Variants in WDR70 observed in about 807,000 individuals in gnomAD.
WDR70 encodes WD repeat-containing protein 70.
Under a neutral mutation model 88.6 loss-of-function variants are expected in WDR70, and 53 were observed. The observed-to-expected ratio is 0.60, with a 90% confidence interval of 0.48 to 0.75. The LOEUF (loss-of-function observed/expected upper bound fraction) is 0.75. WDR70 is among the 30% of genes least tolerant of loss of function. The pLI is 0.00. For missense variants in WDR70, 610 were observed against 823.2 expected (o/e 0.74, Z 3.17); for synonymous variants, 280 against 270.0 (o/e 1.04, Z -0.36).
chr5:37,513,612 C>G (rs1740789781), intron 8 of WDR70, among the ~76,000 whole-genome samples: 1 of 152,086 alleles, frequency 6.6e-6, no homozygotes, highest in Non-Finnish European at 1.5e-5. Flanking sequence ...TCACAAGGTC[C>G]CACAATAGGC....
intron 10 of WDR70, among the ~76,000 whole-genome samples, chr5:37,651,840 T>C (rs1246510268): frequency 2.6e-5 from 4 of 152,334 alleles, no homozygotes; most frequent in African/African-American, 9.6e-5. Context: ...TTAAGTTCCT[T>C]GTAGATTCTG....
At chr5:37,519,964 T>A (rs1201929972) in intron 9 of WDR70, among the ~76,000 whole-genome samples, 1 of 152,224 alleles carries the variant, frequency 6.6e-6, no homozygotes, top group East Asian at 1.9e-4. Context: ...TTTGCATTTG[T>A]ATCTGCTCAT....
chr5:37,628,947 T>TG (rs1744740616), intron 10 of WDR70, among the ~76,000 whole-genome samples: 2 of 152,218 alleles, frequency 1.3e-5, no homozygotes, highest in Non-Finnish European at 2.9e-5. Flanking sequence ...GCATGTCTTG[T>TG]AAGACTGTTC....
intron 10 of WDR70, among the ~76,000 whole-genome samples, chr5:37,653,415 C>T (rs373950038): frequency 6.6e-6 from 1 of 152,052 alleles, no homozygotes; most frequent in Non-Finnish European, 1.5e-5. Flanking sequence ...TTTGTTGTTT[C>T]TCTGCCAGGT....
intron 10 of WDR70, among the ~76,000 whole-genome samples, chr5:37,665,916 CACCCTCCCTTCCTT>C (rs1187938926): frequency 6.6e-6 from 1 of 152,232 alleles, no homozygotes; most frequent in African/African-American, 2.4e-5. Context: ...TCTGCTTCCT[CACCCTCCCTTCCTT>C]ACCACCTCTC....
chr5:37,437,971 G>A lies in WDR70; in HGVS notation c.542G>A (p.Gly181Asp). The change falls in exon 6 of 18, where the codon GGC becomes GAC. Residue 181 changes from glycine to aspartate, a missense_variant. Coordinates refer to ENST00000265107, the MANE Select transcript of WDR70 (RefSeq NM_018034.4). ...PDSHEITLKH[G>D]TKTVSALGLD... Reference sequence around the variant, plus strand: ...TCGCATGAGATAACGCTGAAGCATGGCACTAAAACAGTAAGTTTAAAAATC... The same window carrying A: ...TCGCATGAGATAACGCTGAAGCATGACACTAAAACAGTAAGTTTAAAAATC... 2 of 1,608,934 alleles carry A rather than the reference G, an allele frequency of 1.2e-6. No homozygotes were observed. Among genetic ancestry groups the A allele is most frequent in the Non-Finnish European group, 1.7e-6 (2 of 1,177,640 alleles).
chr5:37,390,958 C>T (rs1197795958), intron 3 of WDR70, among the ~76,000 whole-genome samples: 4 of 152,122 alleles, frequency 2.6e-5, no homozygotes, highest in East Asian at 1.9e-4. Context: ...TCCAGTGATC[C>T]GCCCACCTTG....
At chr5:37,690,977 C>A (rs1203086211) in intron 10 of WDR70, among the ~76,000 whole-genome samples, 2 of 152,032 alleles carry the variant, frequency 1.3e-5, no homozygotes, top group Non-Finnish European at 2.9e-5. Flanking sequence ...ATTCAGGAGA[C>A]CCATCTCACA....
chr5:37,606,961 CAGAGTCTT>C (rs1030087222), intron 10 of WDR70, among the ~76,000 whole-genome samples: 1 of 127,018 alleles, frequency 7.9e-6, no homozygotes, highest in Non-Finnish European at 1.6e-5. Context: ...TCTTTTTTGA[CAGAGTCTT>C]TCTCTGTCAC....
intron 10 of WDR70, among the ~76,000 whole-genome samples, chr5:37,635,036 T>C (rs1296062711): frequency 6.6e-6 from 1 of 152,210 alleles, no homozygotes; most frequent in Admixed American, 6.5e-5. Context: ...GCTGGATTTC[T>C]GTTTGCAGAA....
intron 9 of WDR70, among the ~76,000 whole-genome samples, chr5:37,522,400 G>A (rs530744991): frequency 1.5e-4 from 22 of 151,128 alleles, no homozygotes; most frequent in African/African-American, 4.4e-4. Context: ...GAACCCAGGA[G>A]GTGGAGGTTA....
rs148775163 is a variant in WDR70 at position 37,538,575 on chromosome 5, T to G, written c.917+21985T>G. On this transcript the variant is annotated intron_variant, in intron 9 of 17. Transcript: ENST00000265107. ...CTCATTGTTTTGTTCTGGCCTCATG[T>G]ATACTAAGTTAAATTGTGGACATCT... 3.3e-3 allele frequency among the ~76,000 whole-genome samples: 506 copies of G among 152,328 alleles called. 2 individuals carry two copies. The highest frequency in any genetic ancestry group is 0.012 in the African/African-American group (483 of 41,570).
At chr5:37,751,804 G>A (rs1748822158) in intron 17 of WDR70, among the ~76,000 whole-genome samples, 1 of 152,144 alleles carries the variant, frequency 6.6e-6, no homozygotes, top group Non-Finnish European at 1.5e-5. Context: ...TGTGAAAAGG[G>A]ATGTCATTGA....
chr5:37,552,709 C>G (rs144596906), intron 9 of WDR70, among the ~76,000 whole-genome samples: 1 of 152,274 alleles, frequency 6.6e-6, no homozygotes, highest in African/African-American at 2.4e-5. Flanking sequence ...CAGTTAAACT[C>G]CACAAACATT....
intron 8 of WDR70, 144 bp from the exon 9 acceptor site, chr5:37,516,370 A>C: frequency 2.1e-6 from 1 of 483,700 alleles, no homozygotes. Context: ...AATTGGGATA[A>C]AATAATATAG....
chr5:37,450,704 G>T, intron 7 of WDR70, among the ~76,000 whole-genome samples: 1 of 152,240 alleles, frequency 6.6e-6, no homozygotes, highest in African/African-American at 2.4e-5. Flanking sequence ...CAAATTAAAA[G>T]ATAGAAGTCA....
At chr5:37,542,578 G>T (rs1237768301) in intron 9 of WDR70, among the ~76,000 whole-genome samples, 1 of 151,996 alleles carries the variant, frequency 6.6e-6, no homozygotes, top group African/African-American at 2.4e-5. Flanking sequence ...AATGTGCCCC[G>T]GCCCACTTTA....
At chr5:37,715,234 A>G (rs537028114) in intron 13 of WDR70, among the ~76,000 whole-genome samples, 2 of 151,506 alleles carry the variant, frequency 1.3e-5, no homozygotes, top group South Asian at 4.2e-4. Flanking sequence ...CCCCACATTT[A>G]TGAAAGTACT....
intron 9 of WDR70, among the ~76,000 whole-genome samples, chr5:37,588,026 A>G (rs1045910654): frequency 6.6e-6 from 1 of 152,134 alleles, no homozygotes; most frequent in African/African-American, 2.4e-5. Flanking sequence ...CTTCAGGGCC[A>G]GGAACAGTGT....
Sources: allele counts gnomAD v4.1 joint callset (sites outside exome capture counted in the v4.1 genomes callset), GRCh38; gene constraint gnomAD v4.1.1; transcripts MANE v1.5; gene names NCBI Gene and HGNC (gene_info 2026-07-23, HGNC 2026-07-21).